Variants in SMAD2 observed in about 807,000 individuals in gnomAD.
SMAD2 encodes the protein MAD homolog 2.
Under a neutral mutation model 64.4 loss-of-function variants are expected in SMAD2, and 8 were observed. That is an observed-to-expected ratio of 0.12 (90% CI 0.07 to 0.22). The LOEUF is 0.22. Ranked by LOEUF, SMAD2 falls within the 10% of genes least tolerant of loss-of-function variation. SMAD2 has a pLI of 1.00. For missense variants in SMAD2, 289 were observed against 561.2 expected (o/e 0.51, Z 4.90); for synonymous variants, 203 against 195.8 (o/e 1.04, Z -0.31).
intron 1 of SMAD2, among the ~76,000 whole-genome samples, chr18:47,897,012 T>TA (rs1342255345): frequency 1.3e-5 from 2 of 152,214 alleles, no homozygotes; most frequent in Non-Finnish European, 2.9e-5. Context: ...AAGAATGTTG[T>TA]AAGGACTCCT....
chr18:47,851,239 A>G (rs368203344), intron 7 of SMAD2, 35 bp downstream of exon 7: 1 of 1,439,150 alleles, frequency 6.9e-7, no homozygotes, highest in Non-Finnish European at 9.8e-7. Flanking sequence ...GTGATACAGT[A>G]TAAAAATGAT....
intron 2 of SMAD2, among the ~76,000 whole-genome samples, chr18:47,877,078 G>A (rs1197233165): frequency 6.6e-6 from 1 of 151,710 alleles, no homozygotes; most frequent in East Asian, 1.9e-4. Flanking sequence ...TACTGCTGCA[G>A]TTAGACAACC....
chr18:47,835,173 TC>T lies in SMAD2; in HGVS notation c.*6653del, dbSNP rs1913298943. The T allele has an allele frequency of 4.5e-6, 1 of 221,002 alleles. No homozygotes were observed. Among genetic ancestry groups the T allele is most frequent in the Admixed American group, 5.8e-5 (1 of 17,348 alleles). 13.7% of individuals were successfully genotyped at this position (221,002 alleles called of 1,614,324 possible). A position where few individuals can be genotyped will look rare whatever the true frequency, so the allele number is the denominator to read the frequency against. On this transcript the variant is annotated 3_prime_UTR_variant, in exon 11 of 11. Coordinates refer to ENST00000262160, the MANE Select transcript of SMAD2 (RefSeq NM_005901.6). ...TAATAAAAAGATACAAATATGCCTTTCAAGTCAGGGTTGGAAAAGCAAAACT... is the reference window on the plus strand; with the variant it reads ...TAATAAAAAGATACAAATATGCCTTTAAGTCAGGGTTGGAAAAGCAAAACT...
intron 1 of SMAD2, among the ~76,000 whole-genome samples, chr18:47,913,923 A>G (rs185019564): frequency 6.6e-6 from 1 of 152,366 alleles, no homozygotes; most frequent in African/African-American, 2.4e-5. Context: ...AAAGAACACA[A>G]AGACTATCTT....
chr18:47,855,908 G>A (rs779433102), intron 6 of SMAD2, among the ~76,000 whole-genome samples: 4 of 152,112 alleles, frequency 2.6e-5, no homozygotes, highest in Non-Finnish European at 5.9e-5. Context: ...TATGTGGCAC[G>A]TTGCTTTTAC....
chr18:47,890,322 GCT>G (rs1224222024), intron 2 of SMAD2, among the ~76,000 whole-genome samples: 2 of 152,204 alleles, frequency 1.3e-5, no homozygotes, highest in East Asian at 3.9e-4. Context: ...AAGTTTTATT[GCT>G]CTGACTTTAT....
At chr18:47,924,262 A>G (rs2034676151) in intron 1 of SMAD2, among the ~76,000 whole-genome samples, 1 of 151,538 alleles carries the variant, frequency 6.6e-6, no homozygotes, top group Non-Finnish European at 1.5e-5. Context: ...AAAAAAAAAA[A>G]AAAGAATTTT....
At chr18:47,861,012 G>C (rs536030580) in intron 6 of SMAD2, among the ~76,000 whole-genome samples, 1 of 152,012 alleles carries the variant, frequency 6.6e-6, no homozygotes, top group African/African-American at 2.4e-5. Flanking sequence ...GTTTATTGTA[G>C]GTCTTAGTTA....
chr18:47,887,125 C>T (rs938312514), intron 2 of SMAD2, among the ~76,000 whole-genome samples: 6 of 152,198 alleles, frequency 3.9e-5, no homozygotes, highest in Non-Finnish European at 5.9e-5. Flanking sequence ...CCACTCTAGT[C>T]ATTGCTCTCC....
chr18:47,850,994 A>G (rs575276961), intron 7 of SMAD2, among the ~76,000 whole-genome samples: 116 of 146,890 alleles, frequency 7.9e-4, no homozygotes, highest in African/African-American at 2.8e-3. Flanking sequence ...ATAAAAATCT[A>G]GCCATAACAG....
chr18:47,915,418 T>C (rs1461062051), intron 1 of SMAD2, among the ~76,000 whole-genome samples: 1 of 152,226 alleles, frequency 6.6e-6, no homozygotes, highest in Non-Finnish European at 1.5e-5. Flanking sequence ...ATTTTATGAC[T>C]AGCACAGTTC....
chr18:47,827,189 AC>A lies in SMAD2; in HGVS notation c.*14637del, dbSNP rs1458809077. On this transcript the variant is annotated 3_prime_UTR_variant, in exon 11 of 11. Coordinates refer to ENST00000262160, the MANE Select transcript of SMAD2 (RefSeq NM_005901.6). ...AGTTTTCATTCTATTATCCAAGGTA[AC>A]TGAAGTATTTGACTGTACAGGACTG... The A allele has an allele frequency of 2.6e-5, 4 of 152,202 alleles. No homozygotes were observed. The highest frequency in any genetic ancestry group is 2.0e-4 in the Admixed American group (3 of 15,282). 9.4% of individuals were successfully genotyped at this position (152,202 alleles called of 1,614,324 possible).
At position 47,867,590 on chromosome 18, in the gene SMAD2, AG is replaced by A. The variant is rs759751666; in HGVS notation, c.655+732del. ...ATCCTAACATCATGCTGTTTCTGCT[AG>A]GGAGAAAAATCAACCAAACAAAAAG... On this transcript the variant is annotated intron_variant, in intron 5 of 10. Transcript: ENST00000262160. Among the ~76,000 whole-genome samples the A allele has an allele frequency of 7.9e-5, 12 of 151,596 alleles. No homozygotes were observed. In the East Asian group the frequency reaches 9.8e-4, roughly 12 times the overall value.
At chr18:47,870,093 TATG>T (rs2031841454) in intron 3 of SMAD2, among the ~76,000 whole-genome samples, 1 of 102,794 alleles carries the variant, frequency 9.7e-6, no homozygotes, top group African/African-American at 3.3e-5. Context: ...GTTCATTAAG[TATG>T]TATTTATTAG....
intron 10 of SMAD2, 115 bp downstream of exon 10, chr18:47,845,225 C>G: frequency 9.2e-7 from 1 of 1,082,796 alleles, no homozygotes; most frequent in Non-Finnish European, 1.4e-6. Context: ...ACATAAAGAT[C>G]AGCTGACTCT....
Position 47,848,696 on chromosome 18 carries a change from G to GA in SMAD2, c.785-10dup, listed in dbSNP as rs1319844847. The stretch of plus-strand genomic sequence containing the variant: ...AGTAACTGGCTGTAAATCTGAAAAA[G>GA]AAAAAAATAAAAAAATAATAAAAGG... On this transcript the variant is annotated splice_polypyrimidine_tract_variant and intron_variant, in intron 7 of 10. Transcript: ENST00000262160. 3.2e-6 allele frequency: 5 copies of GA among 1,578,560 alleles called. No individual in the cohort carries two copies. The highest frequency in any genetic ancestry group is 1.1e-5 in the South Asian group (1 of 88,438).
chr18:47,836,976 G>T lies in SMAD2; in HGVS notation c.*4851C>A. 4.7e-6 allele frequency: 1 copy of T among 212,446 alleles called. No homozygotes were observed. Among genetic ancestry groups the T allele is most frequent in the Non-Finnish European group, 9.5e-6 (1 of 104,822 alleles). 13.2% of individuals were successfully genotyped at this position (212,446 alleles called of 1,614,324 possible). ...GGAGACCACACACTATCATTATTCT[G>T]ACTGTCTTAAATACAACAATCCAAT... On this transcript the variant is annotated 3_prime_UTR_variant, in exon 11 of 11. Coordinates refer to ENST00000262160, the MANE Select transcript of SMAD2 (RefSeq NM_005901.6).
intron 1 of SMAD2, among the ~76,000 whole-genome samples, chr18:47,914,705 GT>G (rs1473202329): frequency 6.6e-6 from 1 of 152,094 alleles, no homozygotes; most frequent in Non-Finnish European, 1.5e-5. Context: ...TCTGTTATTT[GT>G]TCACACTTAA....
chr18:47,930,768 G>C (rs1240882265), upstream of SMAD2: 1 of 145,528 alleles, frequency 6.9e-6, no homozygotes, highest in African/African-American at 2.5e-5. Context: ...CTCCGCCCTC[G>C]GCCGCCGGCC....
Sources: gnomAD v4.1 joint callset for allele counts (sites outside exome capture counted in the v4.1 genomes callset) on GRCh38, gnomAD v4.1.1 for gene constraint, MANE v1.5 for transcripts, NCBI Gene and HGNC (gene_info 2026-07-23, HGNC 2026-07-21) for gene names.